The following HELLS variants were observed in gnomAD, a reference collection of about 807,000 sequenced individuals.
The protein encoded by HELLS is lymphoid-specific helicase.
In HELLS, 32 loss-of-function variants were observed where a neutral mutation model predicts 120.0. The observed-to-expected ratio is 0.27, with a 90% CI of 0.20 to 0.36. The LOEUF is 0.36. HELLS is among the 10% of genes least tolerant of loss of function. HELLS has a pLI of 1.00. For synonymous variants in HELLS, 341 were observed against 323.4 expected, an observed-to-expected ratio of 1.05 and a Z score of -0.58; for missense variants, 650 against 993.4, an observed-to-expected ratio of 0.65 and a Z score of 4.65.
downstream of HELLS, among the ~76,000 whole-genome samples, chr10:94,606,841 T>C (rs1367464651): frequency 6.6e-6 from 1 of 152,246 alleles, no homozygotes; most frequent in East Asian, 1.9e-4. Flanking sequence ...ATGAGGGTTC[T>C]CAACAGGTGG....
chr10:94,565,047 C>T (rs1159701415), intron 6 of HELLS, among the ~76,000 whole-genome samples: 1 of 152,130 alleles, frequency 6.6e-6, no homozygotes, highest in Non-Finnish European at 1.5e-5. Flanking sequence ...GAAAAATAAT[C>T]GTCAGGGGGC....
chr10:94,575,056 G>A (rs1844362870), intron 9 of HELLS, among the ~76,000 whole-genome samples: 4 of 150,500 alleles, frequency 2.7e-5, no homozygotes, highest in African/African-American at 9.8e-5. Flanking sequence ...AAAAGGCTAA[G>A]AAGAGAGTTT....
intron 21 of HELLS, among the ~76,000 whole-genome samples, chr10:94,599,999 C>T (rs1386856132): frequency 6.6e-6 from 1 of 151,968 alleles, no homozygotes; most frequent in African/African-American, 2.4e-5. Flanking sequence ...AATTAAAATC[C>T]CAGAATGATG....
chr10:94,554,831 CACG>C (rs1433982487), intron 3 of HELLS, among the ~76,000 whole-genome samples: 1 of 151,920 alleles, frequency 6.6e-6, no homozygotes, highest in Non-Finnish European at 1.5e-5. Context: ...TTGAATCAAT[CACG>C]TCTATGTTAT....
chr10:94,576,371 C>T (rs996539203), intron 9 of HELLS, among the ~76,000 whole-genome samples: 4 of 152,088 alleles, frequency 2.6e-5, no homozygotes, highest in East Asian at 1.9e-4. Flanking sequence ...AGGTTGATCT[C>T]GAACTACTGG....
chr10:94,546,877 A>G (rs527362359), intron 2 of HELLS, among the ~76,000 whole-genome samples: 1 of 152,240 alleles, frequency 6.6e-6, no homozygotes, highest in Non-Finnish European at 1.5e-5. Flanking sequence ...TAAAACCTGC[A>G]GAAGTAATGT....
At chr10:94,559,251 C>T (rs984082831) in intron 4 of HELLS, among the ~76,000 whole-genome samples, 1 of 151,928 alleles carries the variant, frequency 6.6e-6, no homozygotes, top group Admixed American at 6.6e-5. Context: ...ATAACTTTTG[C>T]GTTTTTTTGT....
chr10:94,571,440 T>C lies in HELLS; in HGVS notation c.477+11T>C. 6.7e-7 allele frequency: 1 copy of C among 1,492,596 alleles called. No homozygotes were observed. The highest frequency in any genetic ancestry group is 9.2e-7 in the Non-Finnish European group (1 of 1,082,380). 92.5% of individuals were successfully genotyped at this position (1,492,596 alleles called of 1,614,324 possible). A position where few individuals can be genotyped will look rare whatever the true frequency, so the allele number is the denominator to read the frequency against. ...AAAAAGGAGAATGAGGTAAGAAATT[T>C]ATAATGTAAGATTAAGTTTAGAAGT... On this transcript the variant is annotated intron_variant, in intron 7 of 21. Transcript: ENST00000348459.
intron 7 of HELLS, among the ~76,000 whole-genome samples, chr10:94,572,633 A>G (rs1034324738): frequency 6.6e-5 from 10 of 152,150 alleles, no homozygotes; most frequent in Admixed American, 2.6e-4. Context: ...TAAGGTTGCT[A>G]TGATAATTTG....
In HELLS at chr10:94,574,202, T is replaced by C; in HGVS notation, c.705+15T>C. The C allele has an allele frequency of 1.3e-6, 2 of 1,509,360 alleles. No homozygotes were observed. The highest frequency in any genetic ancestry group is 1.8e-6 in the Non-Finnish European group (2 of 1,087,734). The allele number at this position is 1,509,360 out of a possible 1,614,324, so 93.5% of individuals were successfully genotyped here. A position where few individuals can be genotyped will look rare whatever the true frequency, so the allele number is the denominator to read the frequency against. On this transcript the variant is annotated intron_variant, in intron 8 of 21. Coordinates refer to ENST00000348459, the MANE Select transcript of HELLS (RefSeq NM_018063.5). ...AATGGCTTAGGGTAATGAATTGGAA[T>C]TTTTAATACAAGATACTGGTTTTAT...
chr10:94,573,488 A>G (rs1476825536), intron 7 of HELLS, among the ~76,000 whole-genome samples: 1 of 136,224 alleles, frequency 7.3e-6, no homozygotes, highest in East Asian at 2.5e-4. Context: ...TTATTTTTTG[A>G]GATGGAGTCT....
rs561198795 is a variant in HELLS at position 94,582,450 on chromosome 10, C to G, written c.1230-513C>G. The stretch of plus-strand genomic sequence containing the variant: ...AGAATTGGGTATAATGTTACCTATT[C>G]TATATTATTAATCTGCATGCTCATA... On this transcript the variant is annotated intron_variant, in intron 11 of 21. Coordinates refer to ENST00000348459, the MANE Select transcript of HELLS (RefSeq NM_018063.5). Among the ~76,000 whole-genome samples, 4 of 152,142 alleles carry G rather than the reference C, an allele frequency of 2.6e-5. No individual in the cohort carries two copies. In the South Asian group the frequency reaches 8.3e-4, roughly 32 times the overall value.
At chr10:94,592,886 C>G (rs1008300015) in intron 17 of HELLS, among the ~76,000 whole-genome samples, 1 of 150,858 alleles carries the variant, frequency 6.6e-6, no homozygotes, top group African/African-American at 2.4e-5. Context: ...CTGCTGTTAA[C>G]ATTTGACTAT....
At chr10:94,602,487 A>G (rs556842494), downstream of HELLS, among the ~76,000 whole-genome samples, 4 of 152,218 alleles carry the variant, frequency 2.6e-5, no homozygotes, top group Non-Finnish European at 4.4e-5. Flanking sequence ...ATATCAGACA[A>G]TGAGGAAGAG....
intron 7 of HELLS, 118 bp downstream of exon 7, chr10:94,571,547 T>A (rs1844165286): frequency 1.0e-4 from 75 of 714,642 alleles, no homozygotes; most frequent in East Asian, 1.8e-4. Flanking sequence ...TTCTTTGCTT[T>A]AAAAAAAAAT....
intron 4 of HELLS, among the ~76,000 whole-genome samples, chr10:94,562,013 C>T (rs1409688697): frequency 9.3e-5 from 14 of 151,082 alleles, no homozygotes; most frequent in Admixed American, 8.6e-4. Context: ...GATCTCCTGA[C>T]CTCATGATCT....
Position 94,601,577 on chromosome 10 carries a change from G to A in HELLS, c.2472G>A (p.Lys824=). 1 of 1,589,776 alleles carries A rather than the reference G, an allele frequency of 6.3e-7. No individual in the cohort carries two copies. Among genetic ancestry groups the A allele is most frequent in the African/African-American group, 1.3e-5 (1 of 74,214 alleles). ...GPIKEKMGIF[K]ILENSEDSSP... Reference sequence around the variant, plus strand: ...TTAAAGAGAAGATGGGGATATTCAAGATATTAGAAAATTCTGAAGATTCCA... The same window carrying A: ...TTAAAGAGAAGATGGGGATATTCAAAATATTAGAAAATTCTGAAGATTCCA... Residue 824 remains lysine, a synonymous_variant, in exon 22 of 22, where the codon AAG becomes AAA. Coordinates refer to ENST00000348459, the MANE Select transcript of HELLS (RefSeq NM_018063.5).
intron 13 of HELLS, among the ~76,000 whole-genome samples, chr10:94,589,538 C>G (rs1461387402): frequency 1.4e-5 from 2 of 145,662 alleles, no homozygotes; most frequent in Non-Finnish European, 2.9e-5. Flanking sequence ...ATGTTATTAT[C>G]ATGTAACTGA....
At chr10:94,556,723 G>A (rs1005939129) in intron 3 of HELLS, among the ~76,000 whole-genome samples, 5 of 152,208 alleles carry the variant, frequency 3.3e-5, no homozygotes, top group African/African-American at 9.6e-5. Context: ...ATGTCTGAAT[G>A]TCTTCACTTA....
Sources: gnomAD v4.1 joint callset for allele counts (sites outside exome capture counted in the v4.1 genomes callset) on GRCh38, gnomAD v4.1.1 for gene constraint, MANE v1.5 for transcripts, NCBI Gene and HGNC (gene_info 2026-07-23, HGNC 2026-07-21) for gene names.